RGS7BP: variants seen among roughly 807,000 people sequenced by gnomAD.
RGS7BP encodes the protein regulator of G protein signaling 7-binding protein.
RGS7BP carries 9 observed loss-of-function variants against 31.3 expected under a neutral mutation model. The ratio of observed to expected loss-of-function variants is 0.29; its 90% confidence interval spans 0.17 to 0.50. The LOEUF (loss-of-function observed/expected upper bound fraction) is 0.50, where lower values mean the gene tolerates loss of function less well. RGS7BP is among the 20% of genes least tolerant of loss of function. The pLI, the probability that RGS7BP is intolerant of heterozygous loss-of-function variation, is 0.98. For missense variants in RGS7BP, 274 were observed against 322.0 expected (o/e 0.85, Z 1.14); for synonymous variants, 115 against 120.1 (o/e 0.96, Z 0.28).
At chr5:64,569,633 G>A (rs1370747624) in intron 2 of RGS7BP, among the ~76,000 whole-genome samples, 9 of 152,212 alleles carry the variant, frequency 5.9e-5, no homozygotes, top group South Asian at 2.1e-4. Flanking sequence ...CAATGATTAC[G>A]TAGATGTATG....
intron 2 of RGS7BP, among the ~76,000 whole-genome samples, chr5:64,534,632 G>A (rs1036880176): frequency 6.6e-6 from 1 of 152,280 alleles, no homozygotes; most frequent in Admixed American, 6.5e-5. Context: ...GGAGGTCTAG[G>A]TGAGGTACCC....
chr5:64,527,550 T>C (rs1369487870), intron 2 of RGS7BP, among the ~76,000 whole-genome samples: 3 of 148,420 alleles, frequency 2.0e-5, no homozygotes, highest in Admixed American at 6.9e-5. Context: ...ATATCATTTC[T>C]AAGTTTCTTT....
Position 64,575,905 on chromosome 5 carries a change from G to T in RGS7BP, c.463+1G>T. ...GGGTCTCTTCAGTTTCATCGAAAAG[G>T]TATCTACATTTAATATTGCCGGAAA... On this transcript the variant is annotated splice_donor_variant, in intron 3 of 5. Transcript: ENST00000334025. LOFTEE classifies it high-confidence loss of function. 6.2e-7 allele frequency: 1 copy of T among 1,603,364 alleles called. No homozygotes were observed. The highest frequency in any genetic ancestry group is 8.5e-7 in the Non-Finnish European group (1 of 1,176,304).
chr5:64,598,863 A>T (rs907659825), intron 5 of RGS7BP, among the ~76,000 whole-genome samples: 2 of 152,236 alleles, frequency 1.3e-5, no homozygotes, highest in African/African-American at 2.4e-5. Context: ...TAACTTATTT[A>T]ATTCTAAACA....
At position 64,610,707 on chromosome 5, in the gene RGS7BP, A is replaced by G. The variant is rs1474460534; in HGVS notation, c.*1455A>G. The G allele has an allele frequency of 6.6e-6, 1 of 151,994 alleles. No homozygotes were observed. Among genetic ancestry groups the G allele is most frequent in the Non-Finnish European group, 1.5e-5 (1 of 67,936 alleles). 9.4% of individuals were successfully genotyped at this position (151,994 alleles called of 1,614,324 possible). A position where few individuals can be genotyped will look rare whatever the true frequency, so the allele number is the denominator to read the frequency against. On this transcript the variant is annotated 3_prime_UTR_variant, in exon 6 of 6. Coordinates refer to ENST00000334025, the MANE Select transcript of RGS7BP (RefSeq NM_001029875.3). ...AGGCCTTTTGCTTTAGTGAAGATGA[A>G]CTACTGTAATAATTATTGTATTAGG... is the stretch of plus-strand genomic sequence containing the variant.
At chr5:64,542,728 C>T (rs188197582) in intron 2 of RGS7BP, among the ~76,000 whole-genome samples, 2 of 152,306 alleles carry the variant, frequency 1.3e-5, no homozygotes, top group African/African-American at 4.8e-5. Flanking sequence ...CATTTTACAT[C>T]TCATCCAGCC....
chr5:64,577,962 A>T (rs1742481701), intron 3 of RGS7BP, among the ~76,000 whole-genome samples: 1 of 152,150 alleles, frequency 6.6e-6, no homozygotes, highest in Admixed American at 6.5e-5. Context: ...GTCCTGCTGT[A>T]GCTCCTCGAT....
intron 3 of RGS7BP, among the ~76,000 whole-genome samples, chr5:64,589,607 G>A (rs1165915396): frequency 6.6e-6 from 1 of 151,986 alleles, no homozygotes; most frequent in African/African-American, 2.4e-5. Context: ...AATGAAAAAG[G>A]CAAGGATGCT....
rs190896913 is a variant in RGS7BP at position 64,609,259 on chromosome 5, C to G, written c.*7C>G. ...TTGTCTCATCTCAAGCTAGGTGGCT[C>G]CTCCTGGAAACCCACTGAGAACATC... is the stretch of plus-strand genomic sequence containing the variant. On this transcript the variant is annotated 3_prime_UTR_variant, in exon 6 of 6. Transcript: ENST00000334025. 6.5e-7 allele frequency: 1 copy of G among 1,544,642 alleles called. No homozygotes were observed. The highest frequency in any genetic ancestry group is 2.2e-5 in the East Asian group (1 of 44,590).
intron 2 of RGS7BP, among the ~76,000 whole-genome samples, chr5:64,560,106 G>A (rs944667897): frequency 2.6e-5 from 4 of 152,118 alleles, no homozygotes; most frequent in African/African-American, 9.7e-5. Flanking sequence ...GCTGTTTCCT[G>A]CAAATAACTC....
intron 2 of RGS7BP, among the ~76,000 whole-genome samples, chr5:64,565,699 G>A (rs1055111779): frequency 6.6e-6 from 1 of 151,978 alleles, no homozygotes; most frequent in Non-Finnish European, 1.5e-5. Flanking sequence ...ACATGTTAAG[G>A]GTTGGGGATT....
At chr5:64,544,982 C>T (rs978287010) in intron 2 of RGS7BP, among the ~76,000 whole-genome samples, 2 of 152,116 alleles carry the variant, frequency 1.3e-5, no homozygotes, top group African/African-American at 4.8e-5. Flanking sequence ...TGAGACCGTA[C>T]TGGCCAACAT....
intron 2 of RGS7BP, among the ~76,000 whole-genome samples, chr5:64,548,088 G>A (rs10514974): frequency 0.21 from 32,403 of 151,756 alleles, 4,039 homozygotes; most frequent in South Asian, 0.34. Flanking sequence ...ATTATTTACC[G>A]CAGCAATATA....
chr5:64,542,972 T>C (rs1741561953), intron 2 of RGS7BP, among the ~76,000 whole-genome samples: 1 of 152,196 alleles, frequency 6.6e-6, no homozygotes, highest in Non-Finnish European at 1.5e-5. Flanking sequence ...AGTAGACTCA[T>C]TAATGTCATA....
intron 3 of RGS7BP, among the ~76,000 whole-genome samples, chr5:64,592,676 C>T (rs1162095072): frequency 6.6e-6 from 1 of 152,108 alleles, no homozygotes; most frequent in Non-Finnish European, 1.5e-5. Context: ...AATAATATGG[C>T]CCCAAAGCTA....
intron 3 of RGS7BP, among the ~76,000 whole-genome samples, chr5:64,580,084 G>T (rs1181572652): frequency 6.6e-6 from 1 of 152,140 alleles, no homozygotes; most frequent in East Asian, 1.9e-4. Context: ...AAGAATACTT[G>T]GTTCCAGTGA....
At chr5:64,556,331 A>G (rs943878512) in intron 2 of RGS7BP, among the ~76,000 whole-genome samples, 4 of 56,862 alleles carry the variant, frequency 7.0e-5, no homozygotes, top group African/African-American at 2.1e-4. Flanking sequence ...AGTGGTTGAA[A>G]TGATTTAAAG....
intron 2 of RGS7BP, among the ~76,000 whole-genome samples, chr5:64,563,255 A>G (rs3857264): frequency 0.2 from 30,644 of 151,948 alleles, 3,929 homozygotes; most frequent in South Asian, 0.35. Context: ...AGCCTGGACA[A>G]TCTGGTATGG....
intron 2 of RGS7BP, among the ~76,000 whole-genome samples, chr5:64,554,404 T>C (rs1380173965): frequency 1.3e-5 from 2 of 152,112 alleles, no homozygotes; most frequent in Non-Finnish European, 2.9e-5. Context: ...TTGTAATTAC[T>C]CCCTGTGTAA....
Sources: gnomAD v4.1 joint callset for allele counts (sites outside exome capture counted in the v4.1 genomes callset) on GRCh38, gnomAD v4.1.1 for gene constraint, MANE v1.5 for transcripts, NCBI Gene and HGNC (gene_info 2026-07-23, HGNC 2026-07-21) for gene names.